The following SAMSN1 variants were observed in gnomAD, a reference collection of about 807,000 sequenced individuals.
SAMSN1 encodes SAM domain, SH3 domain and nuclear localization signals 1.
A neutral mutation model predicts 42.0 loss-of-function variants in SAMSN1; 31 were observed. The observed-to-expected ratio is 0.74, with a 90% confidence interval of 0.55 to 1.00. The LOEUF (loss-of-function observed/expected upper bound fraction) is 1.00, where lower values mean the gene tolerates loss of function less well. Among genes scored for constraint, SAMSN1 ranks in the 50% least tolerant of loss-of-function variants. SAMSN1 has a pLI of 0.00. For missense variants in SAMSN1, 464 were observed against 439.4 expected (o/e 1.06, Z -0.50); for synonymous variants, 178 against 151.9 (o/e 1.17, Z -1.26).
chr21:14,640,546 A>T (rs1422217824), intron 2 of SAMSN1, among the ~76,000 whole-genome samples: 1 of 152,144 alleles, frequency 6.6e-6, no homozygotes, highest in Non-Finnish European at 1.5e-5. Flanking sequence ...AGGAAGTGCC[A>T]ATACCAGGAG....
At chr21:14,610,418 C>T (rs1016657265) in intron 4 of SAMSN1, among the ~76,000 whole-genome samples, 1 of 152,134 alleles carries the variant, frequency 6.6e-6, no homozygotes, top group South Asian at 2.1e-4. Context: ...GCTCTTGAAC[C>T]GTGACAATGC....
At chr21:14,583,527 A>G, upstream of SAMSN1, 3 of 594,522 alleles carry the variant, frequency 5.0e-6, no homozygotes, top group Non-Finnish European at 9.1e-6. Flanking sequence ...TAACTTGGCA[A>G]TAAAAAAAAA....
intron 1 of SAMSN1, among the ~76,000 whole-genome samples, chr21:14,648,250 C>T (rs1214717820): frequency 1.3e-5 from 2 of 152,156 alleles, no homozygotes; most frequent in African/African-American, 4.8e-5. Flanking sequence ...CTTCCTTACA[C>T]CTTATCCAAA....
chr21:14,542,073 G>A (rs1415127248), intron 1 of SAMSN1, among the ~76,000 whole-genome samples: 1 of 152,058 alleles, frequency 6.6e-6, no homozygotes, highest in Non-Finnish European at 1.5e-5. Context: ...GTGTTGACAT[G>A]TGTGTGGACG....
chr21:14,504,581 A>G (rs1177047106), intron 5 of SAMSN1, among the ~76,000 whole-genome samples: 1 of 152,200 alleles, frequency 6.6e-6, no homozygotes, highest in Non-Finnish European at 1.5e-5. Context: ...AATATGAACA[A>G]AGCCTCCAAG....
intron 7 of SAMSN1, chr21:14,591,334 T>C (rs1233254236): frequency 6.6e-6 from 1 of 152,194 alleles, no homozygotes; most frequent in East Asian, 1.9e-4. Context: ...GAGGACCTAA[T>C]TTATTACTGA....
intron 2 of SAMSN1, among the ~76,000 whole-genome samples, chr21:14,577,163 C>T (rs1981498308): frequency 8.0e-6 from 1 of 124,900 alleles, no homozygotes; most frequent in Non-Finnish European, 1.6e-5. Context: ...TCAAGTGATT[C>T]TCCTGCCTCA....
At chr21:14,641,928 C>T (rs1467284711) in intron 2 of SAMSN1, among the ~76,000 whole-genome samples, 2 of 152,138 alleles carry the variant, frequency 1.3e-5, no homozygotes, top group Admixed American at 1.3e-4. Context: ...TTACTGATAA[C>T]ATAAATAGTC....
At chr21:14,583,645 C>G, upstream of SAMSN1, 1 of 717,130 alleles carries the variant, frequency 1.4e-6, no homozygotes, top group African/African-American at 1.7e-5. Flanking sequence ...TGAGTTCTTA[C>G]TTACGGAGGT....
At chr21:14,518,577 T>C (rs1429345941) in intron 2 of SAMSN1, among the ~76,000 whole-genome samples, 2 of 152,170 alleles carry the variant, frequency 1.3e-5, no homozygotes, top group African/African-American at 4.8e-5. Context: ...AGTCATTCAC[T>C]GAATATAAAA....
At chr21:14,507,837 G>GT (rs1987482532) in intron 5 of SAMSN1, among the ~76,000 whole-genome samples, 1 of 126,110 alleles carries the variant, frequency 7.9e-6, no homozygotes, top group Non-Finnish European at 1.6e-5. Flanking sequence ...CATGGTACTG[G>GT]TAAAAAAAAA....
chr21:14,570,375 A>C (rs1395002962), intron 2 of SAMSN1, among the ~76,000 whole-genome samples: 1 of 152,180 alleles, frequency 6.6e-6, no homozygotes, highest in Admixed American at 6.6e-5. Flanking sequence ...CTTTGTAGAA[A>C]CAATGGCCTA....
intron 2 of SAMSN1, among the ~76,000 whole-genome samples, chr21:14,619,868 G>A (rs946867582): frequency 6.6e-6 from 1 of 152,046 alleles, no homozygotes; most frequent in Non-Finnish European, 1.5e-5. Flanking sequence ...AATTTAGAAA[G>A]GCCTGTTTGT....
chr21:14,507,018 A>G (rs1987442525), intron 5 of SAMSN1, among the ~76,000 whole-genome samples: 1 of 152,212 alleles, frequency 6.6e-6, no homozygotes, highest in South Asian at 2.1e-4. Flanking sequence ...AACTCAGCAA[A>G]ATAGGCATAC....
intron 1 of SAMSN1, among the ~76,000 whole-genome samples, chr21:14,648,382 C>A (rs1373021884): frequency 6.6e-6 from 1 of 152,060 alleles, no homozygotes; most frequent in Non-Finnish European, 1.5e-5. Flanking sequence ...GTCTAAAACA[C>A]CAAAAGCAAT....
Position 14,496,621 on chromosome 21 carries a change from C to T in SAMSN1, c.919+1821G>A, listed in dbSNP as rs73171377. On this transcript the variant is annotated intron_variant, in intron 7 of 7. Transcript: ENST00000400566. ...AATGAAACTGACTCCTTTACCTGAA[C>T]GAACTTACTATATCTGTTTACACTG... Among the ~76,000 whole-genome samples, 531 of 152,252 alleles carry T rather than the reference C, an allele frequency of 3.5e-3. 1 individual carries two copies. Among genetic ancestry groups the T allele is most frequent in the Non-Finnish European group, 5.8e-3 (395 of 68,014 alleles).
chr21:14,500,215 CCATTCTCGTTTAGA>C (rs1343939562), intron 6 of SAMSN1, among the ~76,000 whole-genome samples: 1 of 152,116 alleles, frequency 6.6e-6, no homozygotes, highest in African/African-American at 2.4e-5. Context: ...ACTCTCTTTA[CCATTCTCGTTTAGA>C]CATTTTCTTA....
chr21:14,623,405 G>C (rs1462304953), intron 2 of SAMSN1, among the ~76,000 whole-genome samples: 2 of 152,234 alleles, frequency 1.3e-5, no homozygotes, highest in East Asian at 3.9e-4. Flanking sequence ...GACACACATA[G>C]GCTCAAAATA....
intron 1 of SAMSN1, among the ~76,000 whole-genome samples, chr21:14,648,163 C>A (rs1176950116): frequency 6.6e-6 from 1 of 152,000 alleles, no homozygotes; most frequent in African/African-American, 2.4e-5. Context: ...TACATCCCAT[C>A]AATACCTAAT....
Sources: gnomAD v4.1 joint callset for allele counts (sites outside exome capture counted in the v4.1 genomes callset) on GRCh38, gnomAD v4.1.1 for gene constraint, MANE v1.5 for transcripts, NCBI Gene and HGNC (gene_info 2026-07-23, HGNC 2026-07-21) for gene names.